The following PTPRO variants were observed in gnomAD, a reference collection of about 807,000 sequenced individuals.
The protein encoded by PTPRO is protein tyrosine phosphatase receptor type O.
PTPRO carries 62 observed loss-of-function variants against 145.2 expected under a neutral mutation model. The ratio of observed to expected loss-of-function variants is 0.43; its 90% confidence interval spans 0.35 to 0.53. The LOEUF (loss-of-function observed/expected upper bound fraction) is 0.53. PTPRO is among the 20% of genes least tolerant of loss of function. PTPRO has a pLI of 0.01. For missense variants in PTPRO, 1,345 were observed against 1,482.7 expected, an observed-to-expected ratio of 0.91 and a Z score of 1.53; for synonymous variants, 565 against 514.7, an observed-to-expected ratio of 1.10 and a Z score of -1.32.
chr12:15,534,528 A>C (rs938317227), intron 12 of PTPRO, among the ~76,000 whole-genome samples: 1 of 152,156 alleles, frequency 6.6e-6, no homozygotes, highest in Non-Finnish European at 1.5e-5. Flanking sequence ...AGATGGTAAT[A>C]GTGCTGTACA....
chr12:15,592,657 C>A (rs1333673058), intron 25 of PTPRO, among the ~76,000 whole-genome samples: 1 of 152,210 alleles, frequency 6.6e-6, no homozygotes, highest in Non-Finnish European at 1.5e-5. Flanking sequence ...TGAATCTCCA[C>A]TTTACTGCTG....
intron 2 of PTPRO, among the ~76,000 whole-genome samples, chr12:15,494,903 C>T (rs1248120411): frequency 1.3e-5 from 2 of 152,120 alleles, no homozygotes; most frequent in Non-Finnish European, 2.9e-5. Context: ...CTTTTTCTGT[C>T]TCCTTTCATT....
At chr12:15,356,282 G>A (rs2136236949) in intron 1 of PTPRO, among the ~76,000 whole-genome samples, 1 of 152,154 alleles carries the variant, frequency 6.6e-6, no homozygotes, top group African/African-American at 2.4e-5. Context: ...AGCAAGAAAT[G>A]CTCTACATAA....
chr12:15,392,519 G>A (rs1037466988), intron 1 of PTPRO, among the ~76,000 whole-genome samples: 7 of 151,854 alleles, frequency 4.6e-5, no homozygotes, highest in Non-Finnish European at 8.8e-5. Context: ...TGAAGAGTTC[G>A]AGACCAGACT....
At chr12:15,433,844 T>C (rs1477789804) in intron 1 of PTPRO, among the ~76,000 whole-genome samples, 2 of 152,208 alleles carry the variant, frequency 1.3e-5, no homozygotes, top group African/African-American at 4.8e-5. Context: ...TTCAGACTCT[T>C]TTTTTATTCT....
intron 1 of PTPRO, among the ~76,000 whole-genome samples, chr12:15,369,076 C>T (rs1938447749): frequency 2.6e-5 from 4 of 152,108 alleles, no homozygotes; most frequent in Admixed American, 6.5e-5. Flanking sequence ...CTCTAACCAT[C>T]GTGAGGGTGT....
intron 25 of PTPRO, among the ~76,000 whole-genome samples, chr12:15,592,822 C>T (rs1944581336): frequency 6.6e-6 from 1 of 152,154 alleles, no homozygotes; most frequent in East Asian, 1.9e-4. Flanking sequence ...TGATGTTCTC[C>T]TCTCTTCTAT....
intron 17 of PTPRO, among the ~76,000 whole-genome samples, chr12:15,563,377 G>A (rs566674664): frequency 2.6e-5 from 4 of 152,156 alleles, no homozygotes; most frequent in South Asian, 2.1e-4. Flanking sequence ...CTTAATTTGC[G>A]TGAATTTTCC....
intron 1 of PTPRO, among the ~76,000 whole-genome samples, chr12:15,412,421 G>A (rs913202477): frequency 1.3e-5 from 2 of 152,200 alleles, no homozygotes; most frequent in African/African-American, 4.8e-5. Context: ...CATTGGATAA[G>A]TTACCAAACA....
At chr12:15,481,397 A>T (rs988045265) in intron 1 of PTPRO, among the ~76,000 whole-genome samples, 3 of 152,214 alleles carry the variant, frequency 2.0e-5, no homozygotes, top group Admixed American at 1.3e-4. Flanking sequence ...TGAAACCAAG[A>T]ACTTCCCTAG....
intron 1 of PTPRO, among the ~76,000 whole-genome samples, chr12:15,455,308 T>A (rs529213212): frequency 3.3e-5 from 5 of 150,614 alleles, no homozygotes; most frequent in Admixed American, 6.6e-5. Context: ...CCACTGCCCC[T>A]TCCCCCCCAC....
At chr12:15,400,477 C>T (rs767545300) in intron 1 of PTPRO, among the ~76,000 whole-genome samples, 1 of 152,158 alleles carries the variant, frequency 6.6e-6, no homozygotes, top group Admixed American at 6.5e-5. Flanking sequence ...GCTCTGCATG[C>T]CATTCCGTTG....
intron 1 of PTPRO, among the ~76,000 whole-genome samples, chr12:15,465,758 T>A (rs1380915431): frequency 6.6e-6 from 1 of 152,170 alleles, no homozygotes; most frequent in Non-Finnish European, 1.5e-5. Flanking sequence ...CTGGGGAGTT[T>A]GGCTATTTAA....
chr12:15,514,953 C>A (rs1942545434), intron 7 of PTPRO, among the ~76,000 whole-genome samples: 1 of 151,772 alleles, frequency 6.6e-6, no homozygotes, highest in South Asian at 2.1e-4. Context: ...TTAGTAGAGA[C>A]AGGGTTTCAC....
intron 10 of PTPRO, among the ~76,000 whole-genome samples, chr12:15,522,610 A>T (rs917886795): frequency 1.3e-5 from 2 of 152,160 alleles, no homozygotes; most frequent in African/African-American, 4.8e-5. Context: ...TATGCTTTGA[A>T]TTTTCCAAAT....
Position 15,322,730 on chromosome 12 carries a change from G to A in PTPRO, c.4G>A (p.Gly2Arg), listed in dbSNP as rs376103175. Residue 2 changes from glycine to arginine, a missense_variant, in exon 1 of 27, where the codon GGG (glycine) becomes AGG (arginine). Transcript: ENST00000281171. This position sits in a 1 kb window ranked among gnomAD's most constrained non-coding sequence, Gnocchi z 6.3. ...CCGAGTCCCCGTCCGCGCAGCGATG[G>A]GGCACCTGCCCACGGGGATACACGG... M[G>R]HLPTGIHGAR... 3.1e-6 allele frequency: 5 copies of A among 1,611,728 alleles called. No individual in the cohort carries two copies. Among genetic ancestry groups the A allele is most frequent in the Non-Finnish European group, 4.2e-6 (5 of 1,179,166 alleles).
intron 12 of PTPRO, among the ~76,000 whole-genome samples, chr12:15,543,959 C>T (rs1476946923): frequency 1.3e-5 from 2 of 152,162 alleles, no homozygotes; most frequent in African/African-American, 4.8e-5. Context: ...GGTGGTGAAG[C>T]TGGTTGGATA....
chr12:15,389,702 A>C (rs1297970022), intron 1 of PTPRO, among the ~76,000 whole-genome samples: 1 of 152,188 alleles, frequency 6.6e-6, no homozygotes, highest in African/African-American at 2.4e-5. Flanking sequence ...CCTTCTGGAT[A>C]GAATTTGTGT....
chr12:15,445,011 A>G (rs957757766), intron 1 of PTPRO, among the ~76,000 whole-genome samples: 1 of 152,176 alleles, frequency 6.6e-6, no homozygotes, highest in Non-Finnish European at 1.5e-5. Flanking sequence ...CAAGTACCCA[A>G]AAAATGTCAT....
Sources: allele counts gnomAD v4.1 joint callset (sites outside exome capture counted in the v4.1 genomes callset), GRCh38; gene constraint gnomAD v4.1.1; non-coding constraint Gnocchi (gnomAD v3.1); transcripts MANE v1.5; gene names NCBI Gene and HGNC (gene_info 2026-07-23, HGNC 2026-07-21).